The following DIAPH3 variants were observed in gnomAD, a reference collection of about 807,000 sequenced individuals.
DIAPH3 encodes diaphanous related formin 3.
A neutral mutation model predicts 144.3 loss-of-function variants in DIAPH3; 117 were observed. The observed-to-expected ratio is 0.81, with a 90% CI of 0.70 to 0.95. The LOEUF (loss-of-function observed/expected upper bound fraction) is 0.95, where lower values mean the gene tolerates loss of function less well. Ranked by LOEUF, DIAPH3 falls within the 40% of genes least tolerant of loss-of-function variation. DIAPH3 has a pLI of 0.00. For missense variants in DIAPH3, 1,421 were observed against 1,412.7 expected (o/e 1.01, Z -0.09); for synonymous variants, 519 against 488.9 (o/e 1.06, Z -0.81).
At position 60,157,318 on chromosome 13, in the gene DIAPH3, C is replaced by T. The variant is rs575026285; in HGVS notation, c.180+6269G>A. Reference sequence around the variant, plus strand: ...GTCTTCAGGCTAGCTATCCTCATGACCAGAAGACTATGGCAAAATAAGCAT... The same window carrying T: ...GTCTTCAGGCTAGCTATCCTCATGATCAGAAGACTATGGCAAAATAAGCAT... On this transcript the variant is annotated intron_variant, in intron 1 of 27. Transcript: ENST00000400324. Among the ~76,000 whole-genome samples the T allele has an allele frequency of 2.6e-5, 4 of 152,214 alleles. No homozygotes were observed. In the South Asian group the frequency reaches 8.3e-4, roughly 32 times the overall value.
intron 27 of DIAPH3, among the ~76,000 whole-genome samples, chr13:59,739,187 T>C (rs2036312930): frequency 6.6e-6 from 1 of 152,186 alleles, no homozygotes; most frequent in Non-Finnish European, 1.5e-5. Flanking sequence ...ATTTGCGTTT[T>C]GTTAAGAATG....
chr13:59,746,084 GTAATAATATTACCTAT>G (rs1190350627), intron 27 of DIAPH3, among the ~76,000 whole-genome samples: 2 of 152,040 alleles, frequency 1.3e-5, no homozygotes, highest in African/African-American at 4.8e-5. Flanking sequence ...TTTTTGGTCA[GTAATAATATTACCTAT>G]TTAGCATGAT....
At chr13:59,703,426 A>G (rs971919749) in intron 27 of DIAPH3, among the ~76,000 whole-genome samples, 1 of 152,170 alleles carries the variant, frequency 6.6e-6, no homozygotes, top group African/African-American at 2.4e-5. Context: ...TGTCCATTAT[A>G]CTTTTTTCTA....
At chr13:59,726,985 T>C (rs1026389573) in intron 27 of DIAPH3, among the ~76,000 whole-genome samples, 2 of 152,192 alleles carry the variant, frequency 1.3e-5, no homozygotes, top group African/African-American at 2.4e-5. Flanking sequence ...CTTTTCTCTT[T>C]ATAGATATTA....
At chr13:60,043,720 T>C (rs985096084) in intron 4 of DIAPH3, among the ~76,000 whole-genome samples, 3 of 152,050 alleles carry the variant, frequency 2.0e-5, no homozygotes, top group Non-Finnish European at 4.4e-5. Context: ...GTACTGAGAA[T>C]AGAGCAGAGA....
chr13:59,993,913 G>T (rs758337937), intron 9 of DIAPH3, among the ~76,000 whole-genome samples: 2 of 151,652 alleles, frequency 1.3e-5, no homozygotes, highest in African/African-American at 2.4e-5. Flanking sequence ...TACATTCAGA[G>T]AAACTAAATC....
Position 59,864,227 on chromosome 13 carries a change from A to G in DIAPH3, c.2608-2691T>C, listed in dbSNP as rs1305733589. Among the ~76,000 whole-genome samples, 8 of 152,228 alleles carry G rather than the reference A, an allele frequency of 5.3e-5. No homozygotes were observed. The East Asian group carries it at 1.5e-3, about 29-fold the overall frequency. The stretch of plus-strand genomic sequence containing the variant: ...ATAATTTCATTCATACTATCATCTT[A>G]AATAGGTAAGGCCAGATTAAAAGCA... On this transcript the variant is annotated intron_variant, in intron 21 of 27. Transcript: ENST00000400324.
At chr13:59,806,966 T>C (rs897882376) in intron 25 of DIAPH3, among the ~76,000 whole-genome samples, 11 of 151,788 alleles carry the variant, frequency 7.2e-5, no homozygotes, top group Non-Finnish European at 1.3e-4. Flanking sequence ...TAACCTCTAT[T>C]TCATAAAACC....
chr13:59,698,396 T>G (rs929584033), intron 27 of DIAPH3, among the ~76,000 whole-genome samples: 2 of 152,174 alleles, frequency 1.3e-5, no homozygotes, highest in African/African-American at 4.8e-5. Context: ...ACAAGCCTAT[T>G]TTACTGCCTC....
At chr13:60,040,613 G>A (rs1216343357) in intron 5 of DIAPH3, among the ~76,000 whole-genome samples, 3 of 152,108 alleles carry the variant, frequency 2.0e-5, no homozygotes, top group Non-Finnish European at 2.9e-5. Context: ...AATAGTAGTA[G>A]TAAATAAAGG....
chr13:59,679,061 G>A (rs966869816), intron 27 of DIAPH3, among the ~76,000 whole-genome samples: 41 of 152,238 alleles, frequency 2.7e-4, no homozygotes, highest in African/African-American at 7.9e-4. Context: ...GGTTTTTGCC[G>A]AGTCAAAGAA....
chr13:60,031,211 T>A (rs2054765262), intron 5 of DIAPH3, among the ~76,000 whole-genome samples: 1 of 151,366 alleles, frequency 6.6e-6, no homozygotes, highest in Non-Finnish European at 1.5e-5. Context: ...AGAGCCAGAG[T>A]GTGTGTGTTG....
chr13:59,803,341 A>ATT (rs2040037479), intron 25 of DIAPH3, among the ~76,000 whole-genome samples: 1 of 152,144 alleles, frequency 6.6e-6, no homozygotes. Flanking sequence ...AATTTAAATT[A>ATT]TTTTGCCTCA....
chr13:59,774,063 T>C (rs2038260073), intron 27 of DIAPH3, 126 bp downstream of exon 27: 4 of 941,950 alleles, frequency 4.2e-6, no homozygotes, highest in East Asian at 2.4e-5. Flanking sequence ...AATATGTACA[T>C]GCACACATTT....
chr13:59,904,197 A>C (rs1303485788), intron 20 of DIAPH3, among the ~76,000 whole-genome samples: 8 of 152,202 alleles, frequency 5.3e-5, no homozygotes, highest in Non-Finnish European at 2.9e-5. Flanking sequence ...GAGAGAAAAA[A>C]AGTAAGATAG....
intron 18 of DIAPH3, among the ~76,000 whole-genome samples, chr13:59,920,794 C>T (rs1234046587): frequency 1.3e-5 from 2 of 151,766 alleles, no homozygotes; most frequent in Non-Finnish European, 3.0e-5. Context: ...AAACATCCTT[C>T]TCTCAACTGC....
At chr13:60,073,145 C>T (rs1370505208) in intron 4 of DIAPH3, among the ~76,000 whole-genome samples, 2 of 152,036 alleles carry the variant, frequency 1.3e-5, no homozygotes, top group South Asian at 2.1e-4. Flanking sequence ...CCCATCTCTA[C>T]TATAAATACA....
At chr13:59,801,550 T>C (rs965489275) in intron 25 of DIAPH3, among the ~76,000 whole-genome samples, 3 of 152,200 alleles carry the variant, frequency 2.0e-5, no homozygotes, top group Non-Finnish European at 4.4e-5. Context: ...TGATAATTAT[T>C]ATTGGAAGTT....
Position 59,937,162 on chromosome 13 carries a change from CA to C in DIAPH3, c.2075-12293del, listed in dbSNP as rs57086874. On this transcript the variant is annotated intron_variant, in intron 17 of 27. Coordinates refer to ENST00000400324, the MANE Select transcript of DIAPH3 (RefSeq NM_001042517.2). ...TGGGCAACAGAGCAAGACTCCATCT[CA>C]AAAAAAAAAAAACATAATAATAATA... Among the ~76,000 whole-genome samples, 145 of 128,498 alleles carry C rather than the reference CA, an allele frequency of 1.1e-3. 2 individuals carry two copies. The highest frequency in any genetic ancestry group is 2.3e-3 in the African/African-American group (81 of 34,770). The allele number at this position is 128,498 out of a possible 152,430, so 84.3% of individuals were successfully genotyped here.
Sources: allele counts gnomAD v4.1 joint callset (sites outside exome capture counted in the v4.1 genomes callset), GRCh38; gene constraint gnomAD v4.1.1; transcripts MANE v1.5; gene names NCBI Gene and HGNC (gene_info 2026-07-23, HGNC 2026-07-21).